Variants in DAB1 observed in about 807,000 individuals in gnomAD.
The protein encoded by DAB1 is disabled homolog 1.
Under a neutral mutation model 64.6 loss-of-function variants are expected in DAB1, and 15 were observed. The observed-to-expected ratio is 0.23, with a 90% CI of 0.16 to 0.36. The LOEUF (loss-of-function observed/expected upper bound fraction) is 0.36. Ranked by LOEUF, DAB1 falls within the 10% of genes least tolerant of loss-of-function variation. DAB1 has a pLI of 1.00. For synonymous variants in DAB1, 235 were observed against 251.9 expected (o/e 0.93, Z 0.64); for missense variants, 596 against 706.7 (o/e 0.84, Z 1.78).
At chr1:57,552,169 C>T (rs183590625) in intron 7 of DAB1, among the ~76,000 whole-genome samples, 1 of 152,160 alleles carries the variant, frequency 6.6e-6, no homozygotes, top group Admixed American at 6.5e-5. Flanking sequence ...AATTGGGACA[C>T]TCCAAAAGTA....
At chr1:58,388,968 C>T (rs978114701) in intron 3 of DAB1, among the ~76,000 whole-genome samples, 6 of 152,030 alleles carry the variant, frequency 3.9e-5, no homozygotes, top group African/African-American at 9.7e-5. Flanking sequence ...CAAGGAGTTC[C>T]GAATGAAAAA....
chr1:57,939,586 C>T (rs868236564), intron 5 of DAB1, among the ~76,000 whole-genome samples: 19 of 152,300 alleles, frequency 1.2e-4, no homozygotes, highest in East Asian at 5.8e-4. Flanking sequence ...CTCAGCCTAG[C>T]GGTAATTTCT....
intron 4 of DAB1, among the ~76,000 whole-genome samples, chr1:58,230,846 A>G (rs1429689573): frequency 6.6e-6 from 1 of 152,216 alleles, no homozygotes; most frequent in Non-Finnish European, 1.5e-5. Context: ...GCCTCCCAAC[A>G]GCTCTGCAAG....
At chr1:58,474,728 A>G (rs1289911773) in intron 3 of DAB1, among the ~76,000 whole-genome samples, 2 of 152,176 alleles carry the variant, frequency 1.3e-5, no homozygotes, top group Admixed American at 1.3e-4. Flanking sequence ...GATCCCAAAT[A>G]ATTGTTTCCC....
chr1:57,859,725 A>C (rs1653922133), intron 1 of DAB1, among the ~76,000 whole-genome samples: 1 of 152,156 alleles, frequency 6.6e-6, no homozygotes, highest in Non-Finnish European at 1.5e-5. Context: ...TTGGTATCTG[A>C]GATGGAATAT....
chr1:58,031,834 T>C (rs1460544122), intron 5 of DAB1, among the ~76,000 whole-genome samples: 1 of 152,138 alleles, frequency 6.6e-6, no homozygotes, highest in African/African-American at 2.4e-5. Flanking sequence ...GTTTAGACTC[T>C]GGAGCAGAAA....
chr1:57,224,386 G>A (rs754513852), intron 2 of DAB1, among the ~76,000 whole-genome samples: 2 of 152,110 alleles, frequency 1.3e-5, no homozygotes, highest in African/African-American at 2.4e-5. Flanking sequence ...CAGATACAAC[G>A]CATCAACCCC....
At chr1:57,961,567 G>C (rs950982736) in intron 5 of DAB1, among the ~76,000 whole-genome samples, 1 of 152,184 alleles carries the variant, frequency 6.6e-6, no homozygotes, top group Non-Finnish European at 1.5e-5. Flanking sequence ...CTGGATTTAT[G>C]AGGGTTGAAA....
intron 1 of DAB1, among the ~76,000 whole-genome samples, chr1:57,853,711 AT>A (rs201087595): frequency 1.3e-5 from 2 of 152,108 alleles, no homozygotes; most frequent in Non-Finnish European, 1.5e-5. Flanking sequence ...CCCTTTACTG[AT>A]TTTTTTCCCC....
At chr1:58,451,343 T>A (rs1330527271) in intron 3 of DAB1, among the ~76,000 whole-genome samples, 3 of 152,220 alleles carry the variant, frequency 2.0e-5, no homozygotes, top group Admixed American at 6.5e-5. Context: ...CCCTCCCACC[T>A]TAGTCTCCCA....
intron 6 of DAB1, among the ~76,000 whole-genome samples, chr1:57,799,012 G>A (rs1651001609): frequency 6.6e-6 from 1 of 152,226 alleles, no homozygotes. Context: ...ATGATTAAGA[G>A]GATGAGCTGC....
chr1:57,277,357 C>T (rs1415109882), intron 2 of DAB1, among the ~76,000 whole-genome samples: 1 of 152,136 alleles, frequency 6.6e-6, no homozygotes, highest in Non-Finnish European at 1.5e-5. Flanking sequence ...GTACATTAGT[C>T]TTCTCCCTAT....
chr1:57,330,070 A>G (rs11809581), intron 1 of DAB1, among the ~76,000 whole-genome samples: 1 of 152,092 alleles, frequency 6.6e-6, no homozygotes, highest in Non-Finnish European at 1.5e-5. Flanking sequence ...GGCAATAAGG[A>G]TCATATTTAG....
intron 5 of DAB1, among the ~76,000 whole-genome samples, chr1:58,062,168 G>A (rs180823799): frequency 1.3e-5 from 2 of 152,170 alleles, no homozygotes; most frequent in East Asian, 1.9e-4. Context: ...AATAACACTC[G>A]CAGTTTGTCT....
intron 2 of DAB1, among the ~76,000 whole-genome samples, chr1:57,207,817 G>C (rs1392821509): frequency 6.6e-6 from 1 of 152,122 alleles, no homozygotes; most frequent in Non-Finnish European, 1.5e-5. Context: ...TCAAGTCCTG[G>C]GATGGGCTAT....
chr1:57,033,970 G>A (rs1161425481), intron 9 of DAB1, among the ~76,000 whole-genome samples: 1 of 152,094 alleles, frequency 6.6e-6, no homozygotes, highest in Non-Finnish European at 1.5e-5. Flanking sequence ...TATACATGTT[G>A]TCTTCTCTGC....
At chr1:57,902,906 C>A (rs1644496925) in intron 5 of DAB1, among the ~76,000 whole-genome samples, 1 of 152,150 alleles carries the variant, frequency 6.6e-6, no homozygotes, top group South Asian at 2.1e-4. Context: ...TAAAGACATA[C>A]CCGAGACTGG....
intron 7 of DAB1, among the ~76,000 whole-genome samples, chr1:57,509,541 G>A (rs910090458): frequency 1.3e-5 from 2 of 151,930 alleles, no homozygotes; most frequent in African/African-American, 4.8e-5. Flanking sequence ...CCTCTCATAT[G>A]CCCTGCTCAC....
chr1:57,411,879 C>T (rs1319813125), intron 1 of DAB1, among the ~76,000 whole-genome samples: 1 of 152,152 alleles, frequency 6.6e-6, no homozygotes, highest in Non-Finnish European at 1.5e-5. Flanking sequence ...ACAGACATAC[C>T]TACTTTTATT....
Sources: allele counts gnomAD v4.1 joint callset (sites outside exome capture counted in the v4.1 genomes callset), GRCh38; gene constraint gnomAD v4.1.1; transcripts MANE v1.5; gene names NCBI Gene and HGNC (gene_info 2026-07-23, HGNC 2026-07-21).